ANKRD36: variants seen among roughly 807,000 people sequenced by gnomAD.
The protein encoded by ANKRD36 is ankyrin repeat domain-containing protein 36A.
Under a neutral mutation model 278.1 loss-of-function variants are expected in ANKRD36, and 179 were observed. That is an observed-to-expected ratio of 0.64 (90% CI 0.57 to 0.73). ANKRD36 has a LOEUF of 0.73. Ranked by LOEUF, ANKRD36 falls within the 30% of genes least tolerant of loss-of-function variation. The pLI, the probability that ANKRD36 is intolerant of heterozygous loss-of-function variation, is 0.00. For missense variants in ANKRD36, 1,159 were observed against 1,956.7 expected, an observed-to-expected ratio of 0.59 and a Z score of 7.69; for synonymous variants, 320 against 641.1, an observed-to-expected ratio of 0.50 and a Z score of 7.57.
intron 52 of ANKRD36, among the ~76,000 whole-genome samples, 184 bp downstream of exon 52, chr2:97,206,319 G>A (rs1319890767): frequency 6.6e-6 from 1 of 151,476 alleles, no homozygotes; most frequent in African/African-American, 2.4e-5. Flanking sequence ...GATCTTCGCT[G>A]TAAGATTATA....
At chr2:97,206,040 A>T in intron 51 of ANKRD36, 23 bp from the exon 52 acceptor site, 1 of 1,545,864 alleles carries the variant, frequency 6.5e-7, no homozygotes, top group South Asian at 1.2e-5. Flanking sequence ...TTTATTTATT[A>T]TTTTGTTTCA....
At chr2:97,187,054 C>T in intron 30 of ANKRD36, 144 bp from the exon 31 acceptor site, 13 of 1,403,580 alleles carry the variant, frequency 9.3e-6, no homozygotes, top group Admixed American at 2.4e-5. Flanking sequence ...GTGTCATGCT[C>T]CTGGCTTAAG....
Position 97,185,591 on chromosome 2 carries a change from G to T in ANKRD36, c.2041+81G>T. 2.7e-6 allele frequency: 4 copies of T among 1,482,392 alleles called. No individual in the cohort carries two copies. In the Admixed American group the frequency reaches 7.9e-5, roughly 29 times the overall value. 91.8% of individuals were successfully genotyped at this position (1,482,392 alleles called of 1,614,324 possible). On this transcript the variant is annotated intron_variant, in intron 30 of 75. Transcript: ENST00000420699. ...TCTTCCCTGAATAAATCAGCGGGGG[G>T]CTCGTCAAAGCTGCACATTCTGATT...
At chr2:97,200,076 G>C (rs1223017488) in intron 44 of ANKRD36, among the ~76,000 whole-genome samples, 1 of 151,866 alleles carries the variant, frequency 6.6e-6, no homozygotes, top group Non-Finnish European at 1.5e-5. Flanking sequence ...CATTGAGATT[G>C]ACACGGTTTT....
chr2:97,187,094 C>T lies in ANKRD36; in HGVS notation c.2042-104C>T, dbSNP rs1036575259. 9 of 1,561,076 alleles carry T rather than the reference C, an allele frequency of 5.8e-6. No individual in the cohort carries two copies. In the African/African-American group the frequency reaches 1.2e-4, roughly 21 times the overall value. On this transcript the variant is annotated intron_variant, in intron 30 of 75. Coordinates refer to ENST00000420699, the MANE Select transcript of ANKRD36 (RefSeq NM_001354587.1). ...AAAGTAGAAAACATCAAAGCCTACA[C>T]TAATACAGGCAGGCGGATACAGCTT...
chr2:97,137,302 A>G (rs879237846), intron 6 of ANKRD36, among the ~76,000 whole-genome samples: 1 of 151,744 alleles, frequency 6.6e-6, no homozygotes, highest in African/African-American at 2.4e-5. Flanking sequence ...GTGTGCCACC[A>G]CACTCAGCTA....
chr2:97,208,080 C>T (rs1049544758), intron 54 of ANKRD36, 74 bp downstream of exon 54: 13 of 1,368,288 alleles, frequency 9.5e-6, no homozygotes, highest in Middle Eastern at 2.7e-4. Flanking sequence ...AATAAATCAG[C>T]GGGGGGCTCG....
intron 12 of ANKRD36, among the ~76,000 whole-genome samples, chr2:97,150,392 A>G (rs1487053015): frequency 6.6e-6 from 1 of 152,216 alleles, no homozygotes; most frequent in Non-Finnish European, 1.5e-5. Flanking sequence ...ACTTGAAACT[A>G]GAAAACCTAT....
At chr2:97,211,790 A>T in intron 58 of ANKRD36, 49 bp downstream of exon 58, 1 of 1,525,286 alleles carries the variant, frequency 6.6e-7, no homozygotes, top group South Asian at 1.2e-5. Context: ...GGTAGAAGAG[A>T]ACTTCTCTTC....
At chr2:97,242,649 C>G (rs1470472651) in intron 69 of ANKRD36, among the ~76,000 whole-genome samples, 6 of 142,546 alleles carry the variant, frequency 4.2e-5, no homozygotes, top group Admixed American at 3.7e-4. Flanking sequence ...AAAATGCTAT[C>G]TTGCAATGTA....
chr2:97,202,676 A>G (rs1276886296), intron 48 of ANKRD36, among the ~76,000 whole-genome samples: 3 of 151,830 alleles, frequency 2.0e-5, no homozygotes, highest in Non-Finnish European at 2.9e-5. Flanking sequence ...TTTTGCTTTA[A>G]TCCTCCAGCT....
intron 1 of ANKRD36, among the ~76,000 whole-genome samples, chr2:97,117,218 T>C (rs963130980): frequency 5.3e-5 from 8 of 152,102 alleles, no homozygotes; most frequent in Non-Finnish European, 1.2e-4. Context: ...GCCATACCTA[T>C]TCATTTGAAT....
intron 3 of ANKRD36, among the ~76,000 whole-genome samples, chr2:97,122,100 A>G (rs1006694520): frequency 1.2e-4 from 12 of 101,586 alleles, no homozygotes; most frequent in African/African-American, 3.3e-4. Flanking sequence ...TGACAATGTC[A>G]GGTGCTCAGG....
At chr2:97,201,652 A>G (rs1242454110) in intron 46 of ANKRD36, among the ~76,000 whole-genome samples, 2 of 151,944 alleles carry the variant, frequency 1.3e-5, no homozygotes, top group Non-Finnish European at 2.9e-5. Context: ...TGTACTAGGT[A>G]TCAGCAAAGA....
chr2:97,146,348 G>C (rs72945164), intron 10 of ANKRD36, 138 bp from the exon 11 acceptor site: 3 of 588,730 alleles, frequency 5.1e-6, no homozygotes, highest in Non-Finnish European at 8.2e-6. Context: ...AAATGCCTGG[G>C]CTTCTCAAGT....
At position 97,115,831 on chromosome 2, in the gene ANKRD36, A is replaced by G. The variant is rs867066830; in HGVS notation, c.197+1895A>G. Among the ~76,000 whole-genome samples the G allele has an allele frequency of 3.0e-4, 45 of 151,182 alleles. 1 individual carries two copies. Among genetic ancestry groups the G allele is most frequent in the South Asian group, 1.5e-3 (7 of 4,724 alleles). On this transcript the variant is annotated intron_variant, in intron 1 of 75. Coordinates refer to ENST00000420699, the MANE Select transcript of ANKRD36 (RefSeq NM_001354587.1). ...TCTCTAGGAAATAGAGATACATGCA[A>G]TTTGTTTTTCTCAGCACTGCTTAAA...
chr2:97,158,057 C>A lies in ANKRD36; in HGVS notation c.1261-50C>A, dbSNP rs752578762. 7 of 1,351,926 alleles carry A rather than the reference C, an allele frequency of 5.2e-6. No homozygotes were observed. In the South Asian group the frequency reaches 6.3e-5, roughly 12 times the overall value. 83.7% of individuals were successfully genotyped at this position (1,351,926 alleles called of 1,614,324 possible). A position where few individuals can be genotyped will look rare whatever the true frequency, so the allele number is the denominator to read the frequency against. Reference sequence around the variant, plus strand: ...ATCATGTAGTAATGGTGGCAATTATCATTATTTTAACTTGCTGCATGTTAT... The same window carrying A: ...ATCATGTAGTAATGGTGGCAATTATAATTATTTTAACTTGCTGCATGTTAT... On this transcript the variant is annotated intron_variant, in intron 15 of 75. Transcript: ENST00000420699.
At chr2:97,226,476 GT>G (rs1466330879) in intron 67 of ANKRD36, among the ~76,000 whole-genome samples, 3 of 149,622 alleles carry the variant, frequency 2.0e-5, no homozygotes, top group African/African-American at 5.0e-5. Context: ...GGGGTTGTTT[GT>G]TTTTTTCTTG....
intron 20 of ANKRD36, among the ~76,000 whole-genome samples, chr2:97,166,006 T>C (rs1453334215): frequency 6.7e-6 from 1 of 149,538 alleles, no homozygotes; most frequent in Non-Finnish European, 1.5e-5. Flanking sequence ...GTCATTGTAA[T>C]TGCAGAAGTT....
Sources: gnomAD v4.1 joint callset for allele counts (sites outside exome capture counted in the v4.1 genomes callset) on GRCh38, gnomAD v4.1.1 for gene constraint, MANE v1.5 for transcripts, NCBI Gene and HGNC (gene_info 2026-07-23, HGNC 2026-07-21) for gene names.